The following CDK6 variants were observed in gnomAD, a reference collection of about 807,000 sequenced individuals.
The protein encoded by CDK6 is cyclin-dependent kinase 6.
Under a neutral mutation model 37.1 loss-of-function variants are expected in CDK6, and 6 were observed. The observed-to-expected ratio is 0.16, with a 90% CI of 0.09 to 0.32. CDK6 has a LOEUF of 0.32. Among genes scored for constraint, CDK6 ranks in the 10% least tolerant of loss-of-function variants. The pLI is 1.00. For synonymous variants in CDK6, 160 were observed against 161.3 expected (o/e 0.99, Z 0.06); for missense variants, 224 against 418.9 (o/e 0.53, Z 4.06).
chr7:92,813,581 A>G (rs1254123423), intron 2 of CDK6, among the ~76,000 whole-genome samples: 1 of 152,242 alleles, frequency 6.6e-6, no homozygotes, highest in Non-Finnish European at 1.5e-5. Flanking sequence ...AATGTGAGGG[A>G]AAAAATAGCG....
intron 3 of CDK6, among the ~76,000 whole-genome samples, chr7:92,767,772 G>A (rs536629144): frequency 1.7e-3 from 255 of 152,160 alleles, no homozygotes; most frequent in Middle Eastern, 0.01. Context: ...GGGGTGCAGA[G>A]TGGGGAGGGG....
chr7:92,757,872 T>C (rs1380762699), intron 3 of CDK6, among the ~76,000 whole-genome samples: 1 of 152,238 alleles, frequency 6.6e-6, no homozygotes, highest in Non-Finnish European at 1.5e-5. Flanking sequence ...TGGTAACTCA[T>C]TGTGGGTTTG....
intron 5 of CDK6, among the ~76,000 whole-genome samples, chr7:92,626,945 T>C (rs1036334234): frequency 6.6e-6 from 1 of 152,008 alleles, no homozygotes; most frequent in South Asian, 2.1e-4. Flanking sequence ...GCAAAAAAGG[T>C]AGTTTGGCAT....
intron 5 of CDK6, among the ~76,000 whole-genome samples, chr7:92,651,513 A>G (rs1286640769): frequency 6.6e-6 from 1 of 152,192 alleles, no homozygotes; most frequent in Admixed American, 6.5e-5. Flanking sequence ...CATTTCCAGA[A>G]GCCTTTAAGG....
intron 4 of CDK6, among the ~76,000 whole-genome samples, chr7:92,706,945 G>C (rs1562941776): frequency 6.6e-6 from 1 of 152,236 alleles, no homozygotes; most frequent in African/African-American, 2.4e-5. Flanking sequence ...ATAATGGAAA[G>C]ATTTCTTCAG....
chr7:92,825,512 G>A (rs1478320760), intron 2 of CDK6, among the ~76,000 whole-genome samples: 2 of 151,830 alleles, frequency 1.3e-5, no homozygotes, highest in South Asian at 2.1e-4. Context: ...TTAAGAAACT[G>A]GAATGAATTC....
chr7:92,823,541 A>T (rs775500031), intron 2 of CDK6, among the ~76,000 whole-genome samples: 4 of 151,006 alleles, frequency 2.6e-5, no homozygotes, highest in Non-Finnish European at 5.9e-5. Context: ...TTCATTCATG[A>T]TCAGCACTGG....
intron 2 of CDK6, among the ~76,000 whole-genome samples, chr7:92,816,941 C>T (rs908303522): frequency 6.6e-6 from 1 of 151,304 alleles, no homozygotes; most frequent in Non-Finnish European, 1.5e-5. Flanking sequence ...AAACTACCAC[C>T]CCCCCAAAAA....
At chr7:92,815,788 T>A (rs1801014348) in intron 2 of CDK6, among the ~76,000 whole-genome samples, 1 of 152,148 alleles carries the variant, frequency 6.6e-6, no homozygotes, top group Admixed American at 6.6e-5. Context: ...AGTCCCTGGC[T>A]GAATATTAAG....
chr7:92,767,810 A>C (rs1799619481), intron 3 of CDK6, among the ~76,000 whole-genome samples: 1 of 152,086 alleles, frequency 6.6e-6, no homozygotes, highest in Non-Finnish European at 1.5e-5. Flanking sequence ...CTGTGGAGAA[A>C]ATATTTCTTT....
rs146880529 is a variant in CDK6 at position 92,767,128 on chromosome 7, T to C, written c.369+7568A>G. ...TCTTTTACATTAATGTAGCTTTTTA[T>C]AGGATTGGAGATTTTAAAAAACCTA... On this transcript the variant is annotated intron_variant, in intron 3 of 7. Transcript: ENST00000424848. 4.6e-3 allele frequency among the ~76,000 whole-genome samples: 708 copies of C among 152,310 alleles called. 2 individuals are homozygous for C. Among genetic ancestry groups the C allele is most frequent in the Admixed American group, 8.9e-3 (136 of 15,288 alleles).
At position 92,833,083 on chromosome 7, in the gene CDK6, T is replaced by C. The variant is rs566044832; in HGVS notation, c.233+8A>G. ...CCCAGATGGCGAGGGCGCAGCTCCC[T>C]GGCTCACCTGACCACGTTGGGGTGC... On this transcript the variant is annotated splice_region_variant and intron_variant, in intron 2 of 7. Transcript: ENST00000424848. The surrounding 1 kb of genome is among the most constrained non-coding windows in gnomAD (Gnocchi z 6.1). 1.3e-6 allele frequency: 2 copies of C among 1,559,548 alleles called. No homozygotes were observed. The highest frequency in any genetic ancestry group is 1.4e-5 in the African/African-American group (1 of 73,722).
chr7:92,701,840 A>G (rs1797855477), intron 4 of CDK6: 1 of 152,386 alleles, frequency 6.6e-6, no homozygotes, highest in African/African-American at 2.4e-5. Context: ...AAAGCTGACA[A>G]ATACCACAAA....
At chr7:92,735,148 A>C (rs1479125104) in intron 3 of CDK6, among the ~76,000 whole-genome samples, 1 of 152,142 alleles carries the variant, frequency 6.6e-6, no homozygotes, top group Non-Finnish European at 1.5e-5. Flanking sequence ...CTCAAAGTAC[A>C]GTCTCTTACT....
At chr7:92,826,984 G>GTAAAAGAAAC (rs1801338888) in intron 2 of CDK6, among the ~76,000 whole-genome samples, 1 of 151,994 alleles carries the variant, frequency 6.6e-6, no homozygotes, top group African/African-American at 2.4e-5. Flanking sequence ...CATCTCAAGG[G>GTAAAAGAAAC]ATTTTTTTCT....
At chr7:92,821,707 T>A (rs978000916) in intron 2 of CDK6, among the ~76,000 whole-genome samples, 3 of 151,422 alleles carry the variant, frequency 2.0e-5, no homozygotes, top group African/African-American at 7.3e-5. Context: ...TTACTATATA[T>A]ATTGTATAAA....
chr7:92,821,427 T>C (rs1377400306), intron 2 of CDK6, among the ~76,000 whole-genome samples: 4 of 152,128 alleles, frequency 2.6e-5, no homozygotes, highest in Non-Finnish European at 4.4e-5. Context: ...TATAAGATAA[T>C]GGTTGTTTTA....
rs568037867 is a variant in CDK6 at position 92,673,002 on chromosome 7, G to A, written c.538-1467C>T. On this transcript the variant is annotated intron_variant, in intron 4 of 7. Coordinates refer to ENST00000424848, the MANE Select transcript of CDK6 (RefSeq NM_001145306.2). ...ACTTGACCTACAGAATATGGTAGAC[G>A]TAATGTCTGAGACTACCAATGTTAG... Among the ~76,000 whole-genome samples the A allele has an allele frequency of 8.0e-4, 122 of 152,260 alleles. 1 individual carries two copies. In the South Asian group the frequency reaches 0.022, roughly 27 times the overall value.
At chr7:92,821,542 C>T (rs1323177280) in intron 2 of CDK6, among the ~76,000 whole-genome samples, 2 of 152,012 alleles carry the variant, frequency 1.3e-5, no homozygotes, top group South Asian at 2.1e-4. Context: ...AATAACTCTC[C>T]TCACCTGCAA....
Sources: gnomAD v4.1 joint callset for allele counts (sites outside exome capture counted in the v4.1 genomes callset) on GRCh38, gnomAD v4.1.1 for gene constraint, Gnocchi (gnomAD v3.1) non-coding constraint, MANE v1.5 for transcripts, NCBI Gene and HGNC (gene_info 2026-07-23, HGNC 2026-07-21) for gene names.